SLIT2: variants seen among roughly 807,000 people sequenced by gnomAD.
The protein encoded by SLIT2 is slit guidance ligand 2.
A neutral mutation model predicts 185.7 loss-of-function variants in SLIT2; 41 were observed. That is an observed-to-expected ratio of 0.22 (90% CI 0.17 to 0.29). The LOEUF is 0.29. Ranked by LOEUF, SLIT2 falls within the 10% of genes least tolerant of loss-of-function variation. The pLI is 1.00. For missense variants in SLIT2, 1,571 were observed against 1,909.0 expected, an observed-to-expected ratio of 0.82 and a Z score of 3.30; for synonymous variants, 693 against 680.2, an observed-to-expected ratio of 1.02 and a Z score of -0.29.
At chr4:20,556,546 TGCTCTTGGAAGTCC>T (rs1323229916) in intron 26 of SLIT2, among the ~76,000 whole-genome samples, 2 of 152,078 alleles carry the variant, frequency 1.3e-5, no homozygotes, top group African/African-American at 4.8e-5. Context: ...ATTTGTGAAA[TGCTCTTGGAAGTCC>T]AAGATAAGTC....
chr4:20,405,429 T>A (rs564125501), intron 4 of SLIT2, among the ~76,000 whole-genome samples: 1 of 152,084 alleles, frequency 6.6e-6, no homozygotes, highest in Non-Finnish European at 1.5e-5. Context: ...TTATGGGAGT[T>A]GTTTTATATT....
At chr4:20,308,812 GT>G (rs1362373341) in intron 4 of SLIT2, among the ~76,000 whole-genome samples, 1 of 151,916 alleles carries the variant, frequency 6.6e-6, no homozygotes, top group Non-Finnish European at 1.5e-5. Flanking sequence ...GTTTCTAGTT[GT>G]ACATATGTAC....
In SLIT2 at chr4:20,455,593, A is replaced by G. The variant is rs550581483; in HGVS notation, c.396-12159A>G. Among the ~76,000 whole-genome samples, 4 of 152,298 alleles carry G rather than the reference A, an allele frequency of 2.6e-5. No individual in the cohort carries two copies. In the East Asian group the frequency reaches 7.7e-4, roughly 29 times the overall value. ...ATGTGTTATATTTATACAATGGAAT[A>G]TTATTGAGCGATAAAAATAAATGGA... On this transcript the variant is annotated intron_variant, in intron 4 of 36. Transcript: ENST00000504154.
intron 4 of SLIT2, among the ~76,000 whole-genome samples, chr4:20,387,675 G>A (rs1459571067): frequency 1.3e-5 from 2 of 152,128 alleles, no homozygotes; most frequent in Non-Finnish European, 2.9e-5. Flanking sequence ...GTTCCCAGAT[G>A]GAGGCCCACG....
chr4:20,532,186 A>G (rs1342734680), intron 17 of SLIT2, 128 bp downstream of exon 17: 1 of 590,560 alleles, frequency 1.7e-6, no homozygotes, highest in African/African-American at 1.9e-5. Flanking sequence ...ATGACCTGTA[A>G]CATGAATTTA....
intron 4 of SLIT2, among the ~76,000 whole-genome samples, chr4:20,416,016 C>T (rs1044143632): frequency 3.3e-5 from 5 of 152,046 alleles, no homozygotes; most frequent in African/African-American, 1.2e-4. Flanking sequence ...ACAATATATC[C>T]TGGCCATTGT....
At chr4:20,578,333 C>T (rs144009851) in intron 29 of SLIT2, among the ~76,000 whole-genome samples, 17 of 152,082 alleles carry the variant, frequency 1.1e-4, no homozygotes, top group African/African-American at 3.6e-4. Flanking sequence ...TATTAGGTTG[C>T]TTATTTTGAT....
At position 20,529,034 on chromosome 4, in the gene SLIT2, A is replaced by T; in HGVS notation, c.1548A>T (p.Thr516=). 1.9e-6 allele frequency: 3 copies of T among 1,614,050 alleles called. No individual in the cohort carries two copies. Among genetic ancestry groups the T allele is most frequent in the Non-Finnish European group, 1.7e-6 (2 of 1,179,932 alleles). Reference sequence around the variant, plus strand: ...AAAAGTGTCGCTGTGAAGGAACCACAGTAGATTGCTCTAATCAAAAGCTCA... The same window carrying T: ...AAAAGTGTCGCTGTGAAGGAACCACTGTAGATTGCTCTAATCAAAAGCTCA... ...CPEKCRCEGT[T]VDCSNQKLNK... is the part of the protein sequence containing the mutation. The change falls in exon 16 of 37, where the codon ACA becomes ACT. Residue 516 remains threonine (T), a synonymous_variant. Coordinates refer to ENST00000504154, the MANE Select transcript of SLIT2 (RefSeq NM_004787.4).
intron 29 of SLIT2, among the ~76,000 whole-genome samples, chr4:20,570,584 T>C (rs1182319640): frequency 6.6e-6 from 1 of 151,384 alleles, no homozygotes; most frequent in African/African-American, 2.4e-5. Flanking sequence ...TTCCTGATCA[T>C]TATAGACAGG....
Position 20,371,301 on chromosome 4 carries a change from CA to C in SLIT2, c.396-96450del, listed in dbSNP as rs33939263. ...GGCCTTGATGCTCACACAGACTTAA[CA>C]CAAATGCACATCCTCATAGAGACTC... On this transcript the variant is annotated intron_variant, in intron 4 of 36. Coordinates refer to ENST00000504154, the MANE Select transcript of SLIT2 (RefSeq NM_004787.4). Among the ~76,000 whole-genome samples, 691 of 152,068 alleles carry C rather than the reference CA, an allele frequency of 4.5e-3. 10 individuals are homozygous for C. The highest frequency in any genetic ancestry group is 0.016 in the African/African-American group (671 of 41,508).
chr4:20,586,142 C>A (rs994743572), intron 29 of SLIT2, among the ~76,000 whole-genome samples: 1 of 152,000 alleles, frequency 6.6e-6, no homozygotes, highest in African/African-American at 2.4e-5. Flanking sequence ...CTTTTGAAAG[C>A]GGTCCTTCCC....
chr4:20,264,030 A>T (rs762819624), intron 3 of SLIT2, among the ~76,000 whole-genome samples: 1 of 151,900 alleles, frequency 6.6e-6, no homozygotes, highest in Non-Finnish European at 1.5e-5. Context: ...AGTGTTTCTC[A>T]TAGTCTCTCT....
chr4:20,265,684 T>A (rs1289107215), intron 3 of SLIT2, among the ~76,000 whole-genome samples: 2 of 151,890 alleles, frequency 1.3e-5, no homozygotes, highest in African/African-American at 4.8e-5. Flanking sequence ...TTAAAATACC[T>A]AGTTTTCAAC....
At chr4:20,389,075 T>G (rs1047398743) in intron 4 of SLIT2, among the ~76,000 whole-genome samples, 2 of 150,666 alleles carry the variant, frequency 1.3e-5, no homozygotes, top group Admixed American at 6.6e-5. Context: ...CTTAGTCTTG[T>G]TATCCATAAA....
chr4:20,476,135 A>G (rs1716080736), intron 5 of SLIT2, among the ~76,000 whole-genome samples: 1 of 152,120 alleles, frequency 6.6e-6, no homozygotes, highest in South Asian at 2.1e-4. Flanking sequence ...ATCAATTTTT[A>G]TTCTTATACT....
chr4:20,417,628 T>G (rs1727806332), intron 4 of SLIT2, among the ~76,000 whole-genome samples: 1 of 151,590 alleles, frequency 6.6e-6, no homozygotes, highest in South Asian at 2.1e-4. Flanking sequence ...TTCAAGCTAT[T>G]CCCCTGCTTC....
chr4:20,265,447 A>C (rs965001884), intron 3 of SLIT2, among the ~76,000 whole-genome samples: 11 of 152,026 alleles, frequency 7.2e-5, no homozygotes, highest in African/African-American at 2.6e-4. Flanking sequence ...CTTTAAAGAC[A>C]ATAAAAGGGA....
chr4:20,272,208 C>T (rs996096448), intron 4 of SLIT2, among the ~76,000 whole-genome samples: 1 of 151,144 alleles, frequency 6.6e-6, no homozygotes, highest in African/African-American at 2.4e-5. Flanking sequence ...ATTACAAGCA[C>T]TTGTTGACAG....
intron 4 of SLIT2, among the ~76,000 whole-genome samples, chr4:20,283,078 TG>T (rs1714930307): frequency 6.6e-6 from 1 of 151,478 alleles, no homozygotes; most frequent in Non-Finnish European, 1.5e-5. Flanking sequence ...TTTAGGTATT[TG>T]TTTATATGTG....
Sources: allele counts gnomAD v4.1 joint callset (sites outside exome capture counted in the v4.1 genomes callset), GRCh38; gene constraint gnomAD v4.1.1; transcripts MANE v1.5; gene names NCBI Gene and HGNC (gene_info 2026-07-23, HGNC 2026-07-21).